The following LRBA variants were observed in gnomAD, a reference collection of about 807,000 sequenced individuals.
LRBA encodes lipopolysaccharide-responsive and beige-like anchor protein.
Under a neutral mutation model 330.0 loss-of-function variants are expected in LRBA, and 176 were observed. The observed-to-expected ratio is 0.53, with a 90% confidence interval of 0.47 to 0.60. The LOEUF is 0.60. Among genes scored for constraint, LRBA ranks in the 20% least tolerant of loss-of-function variants. The pLI, the probability that LRBA is intolerant of heterozygous loss-of-function variation, is 0.00. For missense variants in LRBA, 3,259 were observed against 3,444.8 expected, an observed-to-expected ratio of 0.95 and a Z score of 1.35; for synonymous variants, 1,230 against 1,193.0, an observed-to-expected ratio of 1.03 and a Z score of -0.64.
At chr4:150,756,059 AGAC>A (rs932602127) in intron 35 of LRBA, among the ~76,000 whole-genome samples, 2 of 151,526 alleles carry the variant, frequency 1.3e-5, no homozygotes, top group Non-Finnish European at 2.9e-5. Context: ...AAAAAAAAAA[AGAC>A]AGAAAACTCT....
intron 35 of LRBA, among the ~76,000 whole-genome samples, chr4:150,752,539 C>A (rs1404893743): frequency 6.6e-6 from 1 of 151,914 alleles, no homozygotes; most frequent in Non-Finnish European, 1.5e-5. Flanking sequence ...AGATCTTTCT[C>A]GGTTGAAATT....
chr4:150,489,263 A>AAATATATAATATATTATATATAC (rs1561250364), intron 41 of LRBA, among the ~76,000 whole-genome samples: 1 of 71,644 alleles, frequency 1.4e-5, no homozygotes, highest in African/African-American at 6.1e-5. Context: ...ATTATATATA[A>AAATATATAATATATTATATATAC]GAATATATAA....
intron 53 of LRBA, among the ~76,000 whole-genome samples, chr4:150,294,685 C>T (rs1728737006): frequency 6.6e-6 from 1 of 152,202 alleles, no homozygotes; most frequent in Admixed American, 6.5e-5. Flanking sequence ...GGCGCAGTGG[C>T]TCACGCCTGT....
intron 37 of LRBA, among the ~76,000 whole-genome samples, chr4:150,678,077 T>TA (rs1782729347): frequency 6.6e-6 from 1 of 151,572 alleles, no homozygotes; most frequent in South Asian, 2.1e-4. Context: ...CCATCTCTAC[T>TA]AAAAATACAA....
At chr4:150,777,731 G>T (rs748421250) in intron 34 of LRBA, among the ~76,000 whole-genome samples, 18 of 151,984 alleles carry the variant, frequency 1.2e-4, no homozygotes, top group Non-Finnish European at 2.6e-4. Context: ...TGTAATCCCA[G>T]CACTCTGGGA....
At chr4:150,431,365 T>C (rs1750351658) in intron 46 of LRBA, among the ~76,000 whole-genome samples, 1 of 152,136 alleles carries the variant, frequency 6.6e-6, no homozygotes, top group Non-Finnish European at 1.5e-5. Context: ...TCAAAAAGGG[T>C]GAAGGCATTC....
chr4:150,687,873 C>G (rs976243316), intron 36 of LRBA, among the ~76,000 whole-genome samples: 1 of 152,108 alleles, frequency 6.6e-6, no homozygotes, highest in African/African-American at 2.4e-5. Context: ...AATGGCCATA[C>G]TATCCAAATT....
intron 44 of LRBA, among the ~76,000 whole-genome samples, chr4:150,454,703 T>C (rs1197677757): frequency 3.3e-5 from 5 of 152,178 alleles, no homozygotes; most frequent in Non-Finnish European, 7.4e-5. Flanking sequence ...GAGTGTACCA[T>C]AGGTGATCTT....
intron 37 of LRBA, among the ~76,000 whole-genome samples, chr4:150,621,765 T>C (rs1581838074): frequency 6.6e-6 from 1 of 152,362 alleles, no homozygotes; most frequent in South Asian, 2.1e-4. Context: ...ATGGAATTAA[T>C]TTTTACTTTC....
intron 37 of LRBA, among the ~76,000 whole-genome samples, chr4:150,634,367 T>A (rs534281545): frequency 6.6e-6 from 1 of 152,310 alleles, no homozygotes; most frequent in Admixed American, 6.5e-5. Context: ...CACTTCTGTT[T>A]ATTATGGGAG....
At position 150,933,258 on chromosome 4, in the gene LRBA, C is replaced by T. The variant is rs565841816; in HGVS notation, c.217-4193G>A. Among the ~76,000 whole-genome samples the T allele has an allele frequency of 5.9e-5, 9 of 151,512 alleles. 1 individual carries two copies. In the South Asian group the frequency reaches 1.3e-3, roughly 21 times the overall value. On this transcript the variant is annotated intron_variant, in intron 2 of 56. Coordinates refer to ENST00000651943, the MANE Select transcript of LRBA (RefSeq NM_001364905.1). ...CAAAAATTAGCCAGGCATGGTGACA[C>T]GTGCCTGTAATCCCAACTACTTGGG... is the stretch of plus-strand genomic sequence containing the variant.
intron 37 of LRBA, among the ~76,000 whole-genome samples, chr4:150,617,729 A>T (rs1372420624): frequency 6.6e-6 from 1 of 152,220 alleles, no homozygotes; most frequent in Non-Finnish European, 1.5e-5. Context: ...CACAGAAGCC[A>T]TATAGGCTAC....
At chr4:150,775,752 A>G (rs2126557572) in intron 34 of LRBA, among the ~76,000 whole-genome samples, 1 of 150,904 alleles carries the variant, frequency 6.6e-6, no homozygotes, top group African/African-American at 2.4e-5. Context: ...GTGAGTGCAC[A>G]GAAATATAAG....
intron 37 of LRBA, among the ~76,000 whole-genome samples, chr4:150,637,857 C>A (rs919966360): frequency 2.0e-5 from 3 of 152,090 alleles, no homozygotes. Flanking sequence ...ATAATAAGTG[C>A]ATGACGTGTT....
intron 12 of LRBA, 115 bp from the exon 13 acceptor site, chr4:150,906,105 C>A: frequency 2.2e-6 from 2 of 895,784 alleles, no homozygotes; most frequent in South Asian, 1.7e-5. Flanking sequence ...GTTAAAGATG[C>A]CATGAAGCTC....
At chr4:150,393,047 T>C (rs1744222731) in intron 47 of LRBA, among the ~76,000 whole-genome samples, 1 of 152,104 alleles carries the variant, frequency 6.6e-6, no homozygotes, top group African/African-American at 2.4e-5. Context: ...ATTCCATCCA[T>C]AGCAGATGGC....
intron 40 of LRBA, among the ~76,000 whole-genome samples, chr4:150,493,598 C>T (rs1312037276): frequency 1.3e-5 from 2 of 152,184 alleles, no homozygotes; most frequent in African/African-American, 4.8e-5. Context: ...AAACCTGGAT[C>T]TGTATGCCAC....
At chr4:150,332,774 G>A (rs1734156467) in intron 48 of LRBA, among the ~76,000 whole-genome samples, 1 of 152,084 alleles carries the variant, frequency 6.6e-6, no homozygotes, top group Non-Finnish European at 1.5e-5. Flanking sequence ...CAGCATTCCA[G>A]ATGTTGAGAT....
chr4:150,429,914 C>T (rs1342836981), intron 46 of LRBA, among the ~76,000 whole-genome samples: 1 of 152,108 alleles, frequency 6.6e-6, no homozygotes, highest in Non-Finnish European at 1.5e-5. Context: ...ATGCTCTCTA[C>T]TATATATTAA....
Sources: allele counts gnomAD v4.1 joint callset (sites outside exome capture counted in the v4.1 genomes callset), GRCh38; gene constraint gnomAD v4.1.1; transcripts MANE v1.5; gene names NCBI Gene and HGNC (gene_info 2026-07-23, HGNC 2026-07-21).